The following ADAMTS17 variants were observed in gnomAD, a reference collection of about 807,000 sequenced individuals.
The protein encoded by ADAMTS17 is A disintegrin and metalloproteinase with thrombospondin motifs 17.
Under a neutral mutation model 141.5 loss-of-function variants are expected in ADAMTS17, and 113 were observed. The ratio of observed to expected loss-of-function variants is 0.80; its 90% confidence interval spans 0.69 to 0.93. The LOEUF (loss-of-function observed/expected upper bound fraction) is 0.93. Ranked by LOEUF, ADAMTS17 falls within the 40% of genes least tolerant of loss-of-function variation. The pLI is 0.00. For synonymous variants in ADAMTS17, 768 were observed against 630.6 expected (o/e 1.22, Z -3.27); for missense variants, 1,659 against 1,517.9 (o/e 1.09, Z -1.54).
intron 14 of ADAMTS17, among the ~76,000 whole-genome samples, chr15:100,102,822 C>T (rs1051147399): frequency 6.6e-5 from 10 of 152,146 alleles, no homozygotes; most frequent in South Asian, 2.1e-4. Flanking sequence ...CTTGACAGCC[C>T]GTCAAGCTCT....
At chr15:100,069,341 T>C (rs543405278) in intron 15 of ADAMTS17, among the ~76,000 whole-genome samples, 1 of 152,288 alleles carries the variant, frequency 6.6e-6, no homozygotes, top group Admixed American at 6.5e-5. Flanking sequence ...ACAGGAGAAC[T>C]TCCCCAATCT....
At chr15:100,317,487 C>T (rs2045601694) in intron 3 of ADAMTS17, among the ~76,000 whole-genome samples, 1 of 152,220 alleles carries the variant, frequency 6.6e-6, no homozygotes, top group East Asian at 1.9e-4. Context: ...TCTGTTCTTC[C>T]AGGATGGACC....
At chr15:100,330,405 T>G (rs1335801664) in intron 3 of ADAMTS17, among the ~76,000 whole-genome samples, 1 of 152,212 alleles carries the variant, frequency 6.6e-6, no homozygotes, top group Non-Finnish European at 1.5e-5. Context: ...CCTGAAAATG[T>G]GCATGTCTAA....
chr15:100,121,193 G>A (rs1008769537), intron 12 of ADAMTS17, among the ~76,000 whole-genome samples: 2 of 152,190 alleles, frequency 1.3e-5, no homozygotes, highest in African/African-American at 2.4e-5. Context: ...ATGTAGAAAA[G>A]TAAGCAGAGA....
At chr15:100,041,585 C>T (rs1331390095) in intron 18 of ADAMTS17, among the ~76,000 whole-genome samples, 1 of 152,220 alleles carries the variant, frequency 6.6e-6, no homozygotes, top group Non-Finnish European at 1.5e-5. Context: ...GTGAAGGCTG[C>T]TGGCCATGGC....
chr15:100,143,619 T>C (rs1302996882), intron 10 of ADAMTS17, among the ~76,000 whole-genome samples: 2 of 152,226 alleles, frequency 1.3e-5, no homozygotes, highest in East Asian at 3.8e-4. Flanking sequence ...TTTTTTCTAG[T>C]TCATATTTCC....
intron 8 of ADAMTS17, among the ~76,000 whole-genome samples, chr15:100,180,990 G>A (rs2040504530): frequency 6.6e-6 from 1 of 152,150 alleles, no homozygotes; most frequent in Non-Finnish European, 1.5e-5. Flanking sequence ...TCTACCTGGT[G>A]GTCTATTCTA....
At chr15:100,117,807 G>A (rs1456484859) in intron 12 of ADAMTS17, among the ~76,000 whole-genome samples, 1 of 152,162 alleles carries the variant, frequency 6.6e-6, no homozygotes, top group African/African-American at 2.4e-5. Flanking sequence ...CATCATGATG[G>A]AATAAGATTT....
chr15:100,188,145 C>T (rs988919794), intron 8 of ADAMTS17, among the ~76,000 whole-genome samples: 22 of 151,922 alleles, frequency 1.4e-4, no homozygotes, highest in African/African-American at 2.7e-4. Context: ...GGCGTGATTT[C>T]GGCTCACTGT....
At chr15:99,977,558 C>A (rs1347784117) in intron 20 of ADAMTS17, among the ~76,000 whole-genome samples, 20 of 150,368 alleles carry the variant, frequency 1.3e-4, no homozygotes, top group Non-Finnish European at 1.5e-5. Context: ...GGATTATAGG[C>A]ACCTGCCACC....
At chr15:100,067,317 C>T (rs1299170212) in intron 15 of ADAMTS17, among the ~76,000 whole-genome samples, 1 of 152,044 alleles carries the variant, frequency 6.6e-6, no homozygotes. Context: ...CCACTGTCTT[C>T]CCTTATGATA....
chr15:99,974,140 T>C lies in ADAMTS17; in HGVS notation c.*262A>G, dbSNP rs2141253495. 1 of 534,950 alleles carries C rather than the reference T, an allele frequency of 1.9e-6. No homozygotes were observed. The highest frequency in any genetic ancestry group is 3.4e-6 in the Non-Finnish European group (1 of 295,914). The allele number at this position is 534,950 out of a possible 1,614,324, so 33.1% of individuals were successfully genotyped here. On this transcript the variant is annotated 3_prime_UTR_variant, in exon 22 of 22. Coordinates refer to ENST00000268070, the MANE Select transcript of ADAMTS17 (RefSeq NM_139057.4). ...GGTTGTCTGCCAGAGGTGCTTCCCT[T>C]CGAGGTACCTGAAATCCTAGAAATT...
chr15:100,257,020 C>T (rs1308952794), intron 6 of ADAMTS17: 1 of 152,368 alleles, frequency 6.6e-6, no homozygotes, highest in East Asian at 1.9e-4. Context: ...AGCCACCTAG[C>T]CACCTGTTTG....
At chr15:100,164,508 A>T (rs1169804444) in intron 8 of ADAMTS17, among the ~76,000 whole-genome samples, 2 of 152,216 alleles carry the variant, frequency 1.3e-5, no homozygotes, top group East Asian at 1.9e-4. Flanking sequence ...TCAGGGTCAC[A>T]TGCGAAAACA....
chr15:100,048,168 G>GCAC (rs1362573959), intron 18 of ADAMTS17, among the ~76,000 whole-genome samples: 7 of 152,120 alleles, frequency 4.6e-5, no homozygotes, highest in African/African-American at 7.2e-5. Flanking sequence ...TGCCTCAAAT[G>GCAC]ATACACAGAA....
At chr15:100,124,683 G>A (rs547338444) in intron 12 of ADAMTS17, among the ~76,000 whole-genome samples, 5 of 152,226 alleles carry the variant, frequency 3.3e-5, no homozygotes, top group South Asian at 2.1e-4. Flanking sequence ...TACTGTGCAC[G>A]GAGCTGTGCT....
chr15:100,182,350 T>C (rs1435235228), intron 8 of ADAMTS17, among the ~76,000 whole-genome samples: 4 of 152,120 alleles, frequency 2.6e-5, no homozygotes. Flanking sequence ...CCCACCAGGT[T>C]CCTCCCTCAA....
intron 3 of ADAMTS17, among the ~76,000 whole-genome samples, chr15:100,319,601 C>G (rs1316692306): frequency 1.3e-5 from 2 of 152,166 alleles, no homozygotes; most frequent in Non-Finnish European, 1.5e-5. Flanking sequence ...GTCCCGGCTA[C>G]TCGGAGGCTG....
chr15:100,267,078 G>A (rs900501376), intron 4 of ADAMTS17, among the ~76,000 whole-genome samples: 4 of 152,066 alleles, frequency 2.6e-5, no homozygotes, highest in African/African-American at 4.8e-5. Context: ...TTACGTTCAC[G>A]TTATTGTACA....
Sources: allele counts gnomAD v4.1 joint callset (sites outside exome capture counted in the v4.1 genomes callset), GRCh38; gene constraint gnomAD v4.1.1; transcripts MANE v1.5; gene names NCBI Gene and HGNC (gene_info 2026-07-23, HGNC 2026-07-21).